Variants in CDH13 observed in about 807,000 individuals in gnomAD.
CDH13 encodes the protein cadherin-13.
CDH13 carries 24 observed loss-of-function variants against 63.8 expected under a neutral mutation model. That is an observed-to-expected ratio of 0.38 (90% CI 0.27 to 0.53). CDH13 has a LOEUF of 0.53. CDH13 is among the 20% of genes least tolerant of loss of function. The pLI is 0.85. For missense variants in CDH13, 1,049 were observed against 903.1 expected, an observed-to-expected ratio of 1.16 and a Z score of -2.07; for synonymous variants, 503 against 355.3, an observed-to-expected ratio of 1.42 and a Z score of -4.67.
intron 1 of CDH13, among the ~76,000 whole-genome samples, chr16:82,693,436 T>C (rs2150980144): frequency 6.6e-6 from 1 of 152,318 alleles, no homozygotes; most frequent in East Asian, 1.9e-4. Context: ...GAAAGCAACA[T>C]CCTCAGGAAG....
chr16:83,704,833 T>C (rs964277592), intron 10 of CDH13, among the ~76,000 whole-genome samples: 5 of 152,196 alleles, frequency 3.3e-5, no homozygotes, highest in Non-Finnish European at 7.3e-5. Context: ...TTCAGGAAAA[T>C]AGTTTCAGCA....
intron 1 of CDH13, among the ~76,000 whole-genome samples, chr16:82,683,575 A>G (rs1156318377): frequency 2.0e-5 from 3 of 152,240 alleles, no homozygotes; most frequent in Non-Finnish European, 2.9e-5. Flanking sequence ...TTGGACCAGA[A>G]GGACCAGCAG....
chr16:83,367,509 T>C (rs530291964), intron 6 of CDH13, among the ~76,000 whole-genome samples: 2 of 152,206 alleles, frequency 1.3e-5, no homozygotes, highest in African/African-American at 4.8e-5. Context: ...TAAGTATATA[T>C]CTGGGAATGG....
At chr16:83,137,512 A>C (rs2036341346) in intron 4 of CDH13, among the ~76,000 whole-genome samples, 1 of 152,208 alleles carries the variant, frequency 6.6e-6, no homozygotes, top group Non-Finnish European at 1.5e-5. Flanking sequence ...GACAAGCAAA[A>C]AACGGCTTTC....
chr16:83,134,580 AGAGAGAGAGAGAGT>A lies in CDH13; in HGVS notation c.483+9083_483+9096del, dbSNP rs1466802021. ...GAGAGAGAGAGAGAGAGAGAGAGAG[AGAGAGAGAGAGAGT>A]GAGTTACATGACTGTATTTCTGAAT... On this transcript the variant is annotated intron_variant, in intron 4 of 13. Transcript: ENST00000567109. Among the ~76,000 whole-genome samples, 389 of 61,064 alleles carry A rather than the reference AGAGAGAGAGAGAGT, an allele frequency of 6.4e-3. 28 individuals carry two copies. Among genetic ancestry groups the A allele is most frequent in the African/African-American group, 0.031 (292 of 9,322 alleles). 40.1% of individuals were successfully genotyped at this position (61,064 alleles called of 152,430 possible).
chr16:83,375,575 G>A (rs886859284), intron 6 of CDH13, among the ~76,000 whole-genome samples: 6 of 152,178 alleles, frequency 3.9e-5, no homozygotes, highest in African/African-American at 1.4e-4. Flanking sequence ...AGGCTTGTAT[G>A]TTGTATATTT....
At chr16:82,746,872 C>G (rs969591021) in intron 1 of CDH13, among the ~76,000 whole-genome samples, 2 of 152,126 alleles carry the variant, frequency 1.3e-5, no homozygotes, top group African/African-American at 2.4e-5. Flanking sequence ...TAATGTAACT[C>G]CCTGGAATAT....
intron 7 of CDH13, among the ~76,000 whole-genome samples, chr16:83,592,693 G>C (rs1906875731): frequency 6.6e-6 from 1 of 152,156 alleles, no homozygotes; most frequent in Non-Finnish European, 1.5e-5. Flanking sequence ...TCTCCACCCT[G>C]CCAGCTTTGT....
At chr16:82,969,226 T>C (rs1908328345) in intron 2 of CDH13, among the ~76,000 whole-genome samples, 1 of 152,226 alleles carries the variant, frequency 6.6e-6, no homozygotes, top group Admixed American at 6.5e-5. Context: ...GTAGGCTTTG[T>C]AGGTGATATA....
At chr16:82,859,777 G>A (rs1000881291) in intron 2 of CDH13, 10 of 151,864 alleles carry the variant, frequency 6.6e-5, no homozygotes, top group African/African-American at 2.4e-4. Flanking sequence ...ATTCTGTGAG[G>A]CTGGGACACA....
At chr16:83,557,144 T>C (rs1333980408) in intron 7 of CDH13, among the ~76,000 whole-genome samples, 1 of 152,126 alleles carries the variant, frequency 6.6e-6, no homozygotes, top group Non-Finnish European at 1.5e-5. Context: ...ATGAACCTTA[T>C]TGTCAACTGC....
In CDH13 at chr16:82,627,245, G is replaced by C. The variant is rs1033443885; in HGVS notation, c.45+108G>C. 4 of 947,630 alleles carry C rather than the reference G, an allele frequency of 4.2e-6. No individual in the cohort carries two copies. The Admixed American group carries it at 6.0e-5, about 14-fold the overall frequency. The allele number at this position is 947,630 out of a possible 1,614,324, so 58.7% of individuals were successfully genotyped here. A position where few individuals can be genotyped will look rare whatever the true frequency, so the allele number is the denominator to read the frequency against. ...TCGGGGGGTCGGGGCCTCCGGTCGC[G>C]GCGGCGAAGACAGATCGGGGCTCGG... is the stretch of plus-strand genomic sequence containing the variant. On this transcript the variant is annotated intron_variant, in intron 1 of 13. Transcript: ENST00000567109.
At chr16:83,246,507 T>C (rs1238791425) in intron 5 of CDH13, among the ~76,000 whole-genome samples, 1 of 152,170 alleles carries the variant, frequency 6.6e-6, no homozygotes, top group Non-Finnish European at 1.5e-5. Flanking sequence ...ATTCTTCCTC[T>C]TCTCTATACT....
intron 4 of CDH13, chr16:83,180,982 T>C: frequency 2.0e-6 from 3 of 1,531,372 alleles, no homozygotes; most frequent in Non-Finnish European, 2.6e-6. Context: ...TTGGCGACAT[T>C]ATTGCTTTAA....
chr16:82,644,358 C>T lies in CDH13; in HGVS notation c.45+17221C>T, dbSNP rs1459880483. Reference sequence around the variant, plus strand: ...TGCCTTCTGCGTCTCCCTCTGTGCTCTCCATCACCCCCCTACGGAGTTCCT... The same window carrying T: ...TGCCTTCTGCGTCTCCCTCTGTGCTTTCCATCACCCCCCTACGGAGTTCCT... On this transcript the variant is annotated intron_variant, in intron 1 of 13. Transcript: ENST00000567109. The surrounding 1 kb of genome is among the most constrained non-coding windows in gnomAD (Gnocchi z 5.7). Among the ~76,000 whole-genome samples the T allele has an allele frequency of 3.3e-5, 5 of 152,146 alleles. No individual in the cohort carries two copies. In the East Asian group the frequency reaches 7.7e-4, roughly 23 times the overall value.
Position 83,053,936 on chromosome 16 carries a change from C to T in CDH13, c.366+21718C>T, listed in dbSNP as rs78085721. 4.8e-3 allele frequency among the ~76,000 whole-genome samples: 725 copies of T among 152,270 alleles called. 4 individuals are homozygous for T. The highest frequency in any genetic ancestry group is 0.017 in the African/African-American group (693 of 41,546). On this transcript the variant is annotated intron_variant, in intron 3 of 13. Transcript: ENST00000567109. ...GACATAACAACGTTTTGGTCAATGA[C>T]GGACCACATATGTGATGGTGATCTC...
At position 83,077,186 on chromosome 16, in the gene CDH13, C is replaced by CTTTTTTTTTTTT. The variant is rs34536219; in HGVS notation, c.366+44981_366+44992dup. On this transcript the variant is annotated intron_variant, in intron 3 of 13. Coordinates refer to ENST00000567109, the MANE Select transcript of CDH13 (RefSeq NM_001257.5). ...TCTTTTCTTTTCTTTTTTTTCTTTTCTTTTTTTTTTTTTTTTTTTTTTTTG... is the reference window on the plus strand; with the variant it reads ...TCTTTTCTTTTCTTTTTTTTCTTTTCTTTTTTTTTTTTTTTTTTTTTTTTTTTTTTTTTTTTG... 7.6e-4 allele frequency among the ~76,000 whole-genome samples: 45 copies of CTTTTTTTTTTTT among 59,144 alleles called. 7 individuals are homozygous for CTTTTTTTTTTTT. Among genetic ancestry groups the CTTTTTTTTTTTT allele is most frequent in the African/African-American group, 1.7e-3 (25 of 14,754 alleles). The allele number at this position is 59,144 out of a possible 152,430, so 38.8% of individuals were successfully genotyped here.
At chr16:82,692,663 C>T (rs546270770) in intron 1 of CDH13, among the ~76,000 whole-genome samples, 1 of 152,276 alleles carries the variant, frequency 6.6e-6, no homozygotes, top group East Asian at 1.9e-4. Context: ...GAGAGGATGC[C>T]TTGAATAGGT....
chr16:83,069,659 C>G (rs761626855), intron 3 of CDH13, among the ~76,000 whole-genome samples: 5 of 152,152 alleles, frequency 3.3e-5, no homozygotes, highest in African/African-American at 7.2e-5. Context: ...ACTGCTTCCT[C>G]CAGCCTCATC....
Sources: gnomAD v4.1 joint callset for allele counts (sites outside exome capture counted in the v4.1 genomes callset) on GRCh38, gnomAD v4.1.1 for gene constraint, Gnocchi (gnomAD v3.1) non-coding constraint, MANE v1.5 for transcripts, NCBI Gene and HGNC (gene_info 2026-07-23, HGNC 2026-07-21) for gene names.